Variants in N4BP2 observed in about 807,000 individuals in gnomAD.
N4BP2 encodes NEDD4-binding protein 2.
In N4BP2, 91 loss-of-function variants were observed where a neutral mutation model predicts 152.8. That is an observed-to-expected ratio of 0.60 (90% CI 0.50 to 0.71). The LOEUF (loss-of-function observed/expected upper bound fraction) is 0.71, where lower values mean the gene tolerates loss of function less well. Among genes scored for constraint, N4BP2 ranks in the 30% least tolerant of loss-of-function variants. The pLI, the probability that N4BP2 is intolerant of heterozygous loss-of-function variation, is 0.00. For missense variants in N4BP2, 1,923 were observed against 2,059.1 expected (o/e 0.93, Z 1.28); for synonymous variants, 646 against 705.3 (o/e 0.92, Z 1.33).
rs1317616960 is a variant in N4BP2 at position 40,121,942 on chromosome 4, C to G, written c.3831C>G (p.Asn1277Lys). 2 of 1,574,610 alleles carry G rather than the reference C, an allele frequency of 1.3e-6. No homozygotes were observed. Among genetic ancestry groups the G allele is most frequent in the Non-Finnish European group, 8.6e-7 (1 of 1,164,034 alleles). ...KNLVVTETGD[N>K]IHSPSHFSDI... ...TAGTAGTCACAGAGACTGGAGACAA[C>G]ATACATTCTCCTTCACATTTCTCTG... is the stretch of plus-strand genomic sequence containing the variant. The change falls in exon 9 of 18, where the codon AAC becomes AAG. Residue 1277 changes from asparagine to lysine, a missense_variant. Transcript: ENST00000261435.
At chr4:40,136,375 T>TATCTATCTATCTATCTATC (rs1719385583) in intron 13 of N4BP2, among the ~76,000 whole-genome samples, 1 of 137,922 alleles carries the variant, frequency 7.3e-6, no homozygotes, top group Non-Finnish European at 1.6e-5. Flanking sequence ...TCTATCTATC[T>TATCTATCTATCTATCTATC]ATCTATCTAT....
chr4:40,117,745 A>G lies in N4BP2; in HGVS notation c.1665-124A>G, dbSNP rs954858816. On this transcript the variant is annotated intron_variant, in intron 7 of 17. Coordinates refer to ENST00000261435, the MANE Select transcript of N4BP2 (RefSeq NM_018177.6). ...TCAAATTGTATATATTGTGGTCACA[A>G]TAAAGCAGCTTTGATATTCGTATCT... 1.5e-5 allele frequency: 11 copies of G among 727,266 alleles called. 1 individual carries two copies. The highest frequency in any genetic ancestry group is 4.2e-4 in the Middle Eastern group (1 of 2,408). The allele number at this position is 727,266 out of a possible 1,614,324, so 45.1% of individuals were successfully genotyped here.
intron 15 of N4BP2, among the ~76,000 whole-genome samples, chr4:40,143,373 G>T (rs1300729940): frequency 6.6e-6 from 1 of 151,910 alleles, no homozygotes; most frequent in East Asian, 1.9e-4. Flanking sequence ...GAGTATAGTG[G>T]TGCAATCTCC....
Position 40,154,997 on chromosome 4 carries a change from C to T in N4BP2, c.*760C>T, listed in dbSNP as rs890233943. 2.6e-5 allele frequency: 4 copies of T among 152,158 alleles called. No individual in the cohort carries two copies. The highest frequency in any genetic ancestry group is 2.1e-4 in the South Asian group (1 of 4,820). The allele number at this position is 152,158 out of a possible 1,614,324, so 9.4% of individuals were successfully genotyped here. A position where few individuals can be genotyped will look rare whatever the true frequency, so the allele number is the denominator to read the frequency against. ...TGCTTCTAGAACTGTCTGTATAAGTCGTATTTCAGACAGTACTAAATACTT... is the reference window on the plus strand; with the variant it reads ...TGCTTCTAGAACTGTCTGTATAAGTTGTATTTCAGACAGTACTAAATACTT... On this transcript the variant is annotated 3_prime_UTR_variant, in exon 18 of 18. Transcript: ENST00000261435.
Position 40,120,914 on chromosome 4 carries a change from T to C in N4BP2, c.2803T>C (p.Ser935Pro), listed in dbSNP as rs1262169276. 1.2e-6 allele frequency: 2 copies of C among 1,614,022 alleles called. No individual in the cohort carries two copies. The highest frequency in any genetic ancestry group is 1.7e-6 in the Non-Finnish European group (2 of 1,179,980). ...ACATGAGGCCTGTTGGGGCACAAGCTCTCAAAAACTAAAGACATTGGGTAG... is the reference window on the plus strand; with the variant it reads ...ACATGAGGCCTGTTGGGGCACAAGCCCTCAAAAACTAAAGACATTGGGTAG... ...TAHEACWGTS[S>P]QKLKTLGSSN... Residue 935 changes from serine (S) to proline (P), a missense_variant, in exon 9 of 18, where the codon TCT (serine) becomes CCT (proline). Transcript: ENST00000261435.
chr4:40,127,819 C>T (rs537277263), intron 12 of N4BP2, among the ~76,000 whole-genome samples: 1 of 152,088 alleles, frequency 6.6e-6, no homozygotes, highest in South Asian at 2.1e-4. Flanking sequence ...TGCCACCGCG[C>T]CCGGCTAATT....
chr4:40,168,014 A>G, the N4BP2 span, among the ~76,000 whole-genome samples: 3 of 152,160 alleles, frequency 2.0e-5, no homozygotes, highest in African/African-American at 7.2e-5. Flanking sequence ...TTCTTACATA[A>G]TAGTAATAAA....
chr4:40,147,119 G>C (rs1484034335), intron 16 of N4BP2, among the ~76,000 whole-genome samples: 2 of 149,794 alleles, frequency 1.3e-5, no homozygotes, highest in East Asian at 1.9e-4. Flanking sequence ...GACTCTTAAC[G>C]AGCATGCTGC....
chr4:40,131,915 C>T lies in N4BP2; in HGVS notation c.4642C>T (p.His1548Tyr), dbSNP rs1249790692. 1.9e-6 allele frequency: 3 copies of T among 1,556,242 alleles called. No individual in the cohort carries two copies. In the African/African-American group the frequency reaches 4.1e-5, roughly 21 times the overall value. The change falls in exon 13 of 18, where the codon CAC (histidine) becomes TAC (tyrosine). Residue 1548 changes from histidine to tyrosine, a missense_variant. Transcript: ENST00000261435. ...TTTTCTGGTGGACATTTTCAAGGAC[C>T]ACAAGTGAGTGCTAGAAGGATTGTC... ...QNFLVDIFKD[H>Y]NYSLEHTVQF...
intron 4 of N4BP2, among the ~76,000 whole-genome samples, chr4:40,106,021 C>G (rs1387562263): frequency 6.6e-6 from 1 of 152,052 alleles, no homozygotes; most frequent in African/African-American, 2.4e-5. Context: ...TTTTTTTGTT[C>G]ATTGATGTAT....
chr4:40,090,227 G>T (rs1182622061), intron 2 of N4BP2, among the ~76,000 whole-genome samples: 3 of 152,028 alleles, frequency 2.0e-5, no homozygotes, highest in Non-Finnish European at 4.4e-5. Flanking sequence ...GATTCCTCCT[G>T]CTTTGTTCTT....
At chr4:40,069,412 T>TAAAAAAAA (rs1055452716) in intron 1 of N4BP2, among the ~76,000 whole-genome samples, 1 of 151,778 alleles carries the variant, frequency 6.6e-6, no homozygotes, top group Non-Finnish European at 1.5e-5. Context: ...GAGACTGTTT[T>TAAAAAAAA]AAAAAAAAAT....
chr4:40,113,634 G>T lies in N4BP2; in HGVS notation c.1664+126G>T, dbSNP rs375145171. 1.7e-5 allele frequency: 12 copies of T among 709,394 alleles called. No homozygotes were observed. In the African/African-American group the frequency reaches 2.0e-4, roughly 12 times the overall value. The allele number at this position is 709,394 out of a possible 1,614,324, so 43.9% of individuals were successfully genotyped here. ...TTGTAACTTAATTTCTATTGCTTACGGCTTTTTGTCCAGTTTTATGAAGAG... is the reference window on the plus strand; with the variant it reads ...TTGTAACTTAATTTCTATTGCTTACTGCTTTTTGTCCAGTTTTATGAAGAG... On this transcript the variant is annotated intron_variant, in intron 7 of 17. Transcript: ENST00000261435.
the N4BP2 span, among the ~76,000 whole-genome samples, chr4:40,189,606 T>C: frequency 1.3e-5 from 2 of 152,064 alleles, no homozygotes; most frequent in South Asian, 2.1e-4. This position sits in a 1 kb window ranked among gnomAD's most constrained non-coding sequence, Gnocchi z 4.3. Context: ...TTGAACATTA[T>C]GGCGAGGCGC....
At chr4:40,181,990 TAA>T in the N4BP2 span, among the ~76,000 whole-genome samples, 2 of 152,124 alleles carry the variant, frequency 1.3e-5, no homozygotes, top group African/African-American at 4.8e-5. Context: ...TTCTTCCCAT[TAA>T]AGACATTCCT....
Position 40,154,919 on chromosome 4 carries a change from T to C in N4BP2, c.*682T>C, listed in dbSNP as rs1421913121. ...ATACTTTCTATAGACAGAAAGGTTT[T>C]CAGAGAAAAAGAAATGGTTAAATAT... is the stretch of plus-strand genomic sequence containing the variant. On this transcript the variant is annotated 3_prime_UTR_variant, in exon 18 of 18. Coordinates refer to ENST00000261435, the MANE Select transcript of N4BP2 (RefSeq NM_018177.6). 3 of 152,290 alleles carry C rather than the reference T, an allele frequency of 2.0e-5. No homozygotes were observed. The highest frequency in any genetic ancestry group is 4.4e-5 in the Non-Finnish European group (3 of 68,094). The allele number at this position is 152,290 out of a possible 1,614,324, so 9.4% of individuals were successfully genotyped here. A position where few individuals can be genotyped will look rare whatever the true frequency, so the allele number is the denominator to read the frequency against.
intron 1 of N4BP2, among the ~76,000 whole-genome samples, chr4:40,069,248 G>C (rs794022): frequency 0.85 from 128,984 of 151,972 alleles, 54,812 homozygotes; most frequent in East Asian, 0.97. Context: ...GACCAGCCTG[G>C]CCAACATGGT....
chr4:40,178,572 C>CAA, the N4BP2 span, among the ~76,000 whole-genome samples: 1 of 152,200 alleles, frequency 6.6e-6, no homozygotes, highest in African/African-American at 2.4e-5. Context: ...CGTGGGCATA[C>CAA]TTTATCATTG....
At chr4:40,136,350 C>CTATT (rs1394592332) in intron 13 of N4BP2, among the ~76,000 whole-genome samples, 1 of 120,854 alleles carries the variant, frequency 8.3e-6, no homozygotes, top group South Asian at 3.8e-4. Context: ...TTGAATCTAT[C>CTATT]TATCTATCTA....
Sources: allele counts gnomAD v4.1 joint callset (sites outside exome capture counted in the v4.1 genomes callset), GRCh38; gene constraint gnomAD v4.1.1; non-coding constraint Gnocchi (gnomAD v3.1); transcripts MANE v1.5; gene names NCBI Gene and HGNC (gene_info 2026-07-23, HGNC 2026-07-21).